Variants in ADAMTSL1 observed in about 807,000 individuals in gnomAD.
ADAMTSL1 encodes the protein ADAMTS like 1, also known as ADAMTS-like protein 1.
A neutral mutation model predicts 201.8 loss-of-function variants in ADAMTSL1; 126 were observed. The observed-to-expected ratio is 0.62, with a 90% confidence interval of 0.54 to 0.72. ADAMTSL1 has a LOEUF of 0.72. Among genes scored for constraint, ADAMTSL1 ranks in the 30% least tolerant of loss-of-function variants. The pLI, the probability that ADAMTSL1 is intolerant of heterozygous loss-of-function variation, is 0.00. For synonymous variants in ADAMTSL1, 1,121 were observed against 903.4 expected (o/e 1.24, Z -4.32); for missense variants, 2,679 against 2,277.8 (o/e 1.18, Z -3.59).
intron 4 of ADAMTSL1, among the ~76,000 whole-genome samples, chr9:18,610,708 C>A (rs980456434): frequency 6.6e-6 from 1 of 152,170 alleles, no homozygotes; most frequent in Non-Finnish European, 1.5e-5. Context: ...ATCTGAGATG[C>A]ATAAACAATT....
intron 15 of ADAMTSL1, among the ~76,000 whole-genome samples, chr9:18,735,848 T>C (rs1249115127): frequency 2.0e-5 from 3 of 147,508 alleles, no homozygotes; most frequent in African/African-American, 7.5e-5. Flanking sequence ...CCTCCTGGGC[T>C]CATAAAGCTT....
intron 2 of ADAMTSL1, among the ~76,000 whole-genome samples, chr9:18,422,661 C>T (rs1235701714): frequency 6.6e-6 from 1 of 152,190 alleles, no homozygotes; most frequent in African/African-American, 2.4e-5. Flanking sequence ...TTCACAAAAA[C>T]TCACCCTTCA....
At chr9:18,716,049 A>T (rs1357113773) in intron 14 of ADAMTSL1, among the ~76,000 whole-genome samples, 2 of 150,394 alleles carry the variant, frequency 1.3e-5, no homozygotes, top group African/African-American at 4.9e-5. Flanking sequence ...GAAAGCTGAA[A>T]CTGGATCCCT....
intron 13 of ADAMTSL1, among the ~76,000 whole-genome samples, chr9:18,692,002 C>G (rs1386910015): frequency 2.0e-5 from 3 of 152,144 alleles, no homozygotes; most frequent in Non-Finnish European, 4.4e-5. Flanking sequence ...GTATCTGCCT[C>G]ATACATCTTG....
intron 17 of ADAMTSL1, among the ~76,000 whole-genome samples, chr9:18,771,058 C>T (rs1239051332): frequency 6.6e-6 from 1 of 152,114 alleles, no homozygotes; most frequent in Non-Finnish European, 1.5e-5. Context: ...GCTGTTTTGG[C>T]CCCAGGATTC....
intron 2 of ADAMTSL1, among the ~76,000 whole-genome samples, chr9:18,407,884 GAGA>G (rs1290527246): frequency 2.0e-5 from 3 of 152,198 alleles, no homozygotes; most frequent in African/African-American, 4.8e-5. Context: ...GCTTTGCTAG[GAGA>G]AGAAGGAACC....
intron 2 of ADAMTSL1, among the ~76,000 whole-genome samples, chr9:18,282,441 A>T (rs1464500850): frequency 6.6e-6 from 1 of 152,210 alleles, no homozygotes. Context: ...GTTACTTTGA[A>T]TTGTAACAAT....
intron 1 of ADAMTSL1, among the ~76,000 whole-genome samples, chr9:18,069,975 T>C (rs1822885374): frequency 6.6e-6 from 1 of 152,194 alleles, no homozygotes; most frequent in Non-Finnish European, 1.5e-5. Flanking sequence ...TCAGAACTTG[T>C]CATGGGGAGA....
In ADAMTSL1 at chr9:18,637,849, G is replaced by T. The variant is rs74735541; in HGVS notation, c.677-1405G>T. On this transcript the variant is annotated intron_variant, in intron 6 of 28. Transcript: ENST00000380548. ...CCCCCTTGGCTCATCTTTAATTAGA[G>T]GTACCTTGAGAAGGACAGCTGTAAG... Among the ~76,000 whole-genome samples the T allele has an allele frequency of 8.5e-3, 1,299 of 152,082 alleles. 17 individuals carry two copies. Among genetic ancestry groups the T allele is most frequent in the African/African-American group, 0.03 (1,244 of 41,458 alleles).
chr9:18,706,589 T>G (rs1832245412), intron 13 of ADAMTSL1, 158 bp from the exon 14 acceptor site: 1 of 702,468 alleles, frequency 1.4e-6, no homozygotes, highest in Non-Finnish European at 2.3e-6. Context: ...GCTTATGAAC[T>G]AAACTGAAGC....
intron 4 of ADAMTSL1, among the ~76,000 whole-genome samples, chr9:18,605,497 AT>A (rs1824953086): frequency 6.6e-6 from 1 of 152,212 alleles, no homozygotes; most frequent in African/African-American, 2.4e-5. Context: ...CAGTCTACAC[AT>A]TTTAAGGCAA....
chr9:18,420,842 G>A lies in ADAMTSL1; in HGVS notation c.208-83987G>A, dbSNP rs554623170. Among the ~76,000 whole-genome samples, 289 of 152,232 alleles carry A rather than the reference G, an allele frequency of 1.9e-3. 2 individuals carry two copies. Among genetic ancestry groups the A allele is most frequent in the Non-Finnish European group, 2.9e-3 (199 of 68,010 alleles). On this transcript the variant is annotated intron_variant, in intron 2 of 29. Transcript: ENST00000680146. ...TCAGGAAAAAAATAGTTTTTGTCTCGAATGCCAACTCTGAATGGTAATGGG... is the reference window on the plus strand; with the variant it reads ...TCAGGAAAAAAATAGTTTTTGTCTCAAATGCCAACTCTGAATGGTAATGGG...
chr9:18,864,235 T>A (rs1827373976), intron 23 of ADAMTSL1, among the ~76,000 whole-genome samples: 1 of 152,214 alleles, frequency 6.6e-6, no homozygotes, highest in Non-Finnish European at 1.5e-5. Context: ...CTCTGTGCAA[T>A]CTGTTTATCA....
chr9:18,438,415 C>CA, intron 2 of ADAMTSL1, among the ~76,000 whole-genome samples: 1 of 152,268 alleles, frequency 6.6e-6, no homozygotes, highest in Admixed American at 6.5e-5. Context: ...ACCGTCAGGG[C>CA]AGCCACCCCC....
At chr9:18,656,067 C>T (rs4977522) in intron 7 of ADAMTSL1, among the ~76,000 whole-genome samples, 39,984 of 151,690 alleles carry the variant, frequency 0.26, 5,924 homozygotes, top group East Asian at 0.68. Context: ...GGGTATGAGA[C>T]ATTCTGTAGG....
intron 2 of ADAMTSL1, among the ~76,000 whole-genome samples, chr9:18,347,541 A>G (rs1258327238): frequency 4.6e-5 from 7 of 152,190 alleles, no homozygotes; most frequent in African/African-American, 7.2e-5. Flanking sequence ...GATCTATGTG[A>G]CACCAACATA....
chr9:18,155,749 G>A (rs12378327), intron 1 of ADAMTSL1, among the ~76,000 whole-genome samples: 40,466 of 151,796 alleles, frequency 0.27, 5,569 homozygotes, highest in South Asian at 0.29. Flanking sequence ...CCTTGGCATC[G>A]TGGAGACTGG....
At chr9:17,920,994 G>A (rs1423698582) in intron 1 of ADAMTSL1, among the ~76,000 whole-genome samples, 1 of 152,114 alleles carries the variant, frequency 6.6e-6, no homozygotes, top group Non-Finnish European at 1.5e-5. Flanking sequence ...TTCTTTGTGG[G>A]CTTTCAGTAG....
chr9:18,036,954 C>T (rs1281471582), intron 1 of ADAMTSL1, among the ~76,000 whole-genome samples: 3 of 152,170 alleles, frequency 2.0e-5, no homozygotes, highest in African/African-American at 7.2e-5. Context: ...GTGCATCTAA[C>T]CAATCTGTGC....
Sources: allele counts gnomAD v4.1 joint callset (sites outside exome capture counted in the v4.1 genomes callset), GRCh38; gene constraint gnomAD v4.1.1; transcripts MANE v1.5; gene names NCBI Gene and HGNC (gene_info 2026-07-23, HGNC 2026-07-21).